The following CCDC191 variants were observed in gnomAD, a reference collection of about 807,000 sequenced individuals.
CCDC191 encodes the protein coiled-coil domain containing 191, also known as coiled-coil domain-containing protein 191.
A neutral mutation model predicts 114.0 loss-of-function variants in CCDC191; 99 were observed. The ratio of observed to expected loss-of-function variants is 0.87; its 90% confidence interval spans 0.74 to 1.03. CCDC191 has a LOEUF of 1.03. CCDC191 is among the 50% of genes least tolerant of loss of function. The pLI, the probability that CCDC191 is intolerant of heterozygous loss-of-function variation, is 0.00. For synonymous variants in CCDC191, 351 were observed against 376.0 expected, an observed-to-expected ratio of 0.93 and a Z score of 0.77; for missense variants, 973 against 1,087.0, an observed-to-expected ratio of 0.90 and a Z score of 1.47.
At position 113,990,325 on chromosome 3, in the gene CCDC191, C is replaced by T. The variant is rs145906992; in HGVS notation, c.2164-9532G>A. ...ATACTATGACCTCTGTTCCAAGAGA[C>T]TTGAAAACTTAGATTAAATGCTCAA... On this transcript the variant is annotated intron_variant, in intron 13 of 16. Transcript: ENST00000295878. 1.9e-3 allele frequency among the ~76,000 whole-genome samples: 295 copies of T among 152,030 alleles called. 3 individuals are homozygous for T. Among genetic ancestry groups the T allele is most frequent in the East Asian group, 5.8e-4 (3 of 5,182 alleles).
chr3:113,966,503 A>AGAT (rs1175499225), intron 16 of CCDC191, among the ~76,000 whole-genome samples: 2 of 152,174 alleles, frequency 1.3e-5, no homozygotes, highest in African/African-American at 4.8e-5. Flanking sequence ...ACCTTTTTGA[A>AGAT]GATGATGTCT....
At chr3:113,966,632 G>C (rs1321057113) in intron 16 of CCDC191, among the ~76,000 whole-genome samples, 1 of 152,130 alleles carries the variant, frequency 6.6e-6, no homozygotes, top group Non-Finnish European at 1.5e-5. Context: ...GTGTTGAAAC[G>C]AAGTGCAGAG....
chr3:114,055,803 A>C (rs1242751465), intron 1 of CCDC191, among the ~76,000 whole-genome samples: 1 of 152,262 alleles, frequency 6.6e-6, no homozygotes, highest in South Asian at 2.1e-4. Context: ...TAATGCATCC[A>C]AATGGGTGAT....
At chr3:114,008,368 C>A (rs2107675182) in intron 9 of CCDC191, among the ~76,000 whole-genome samples, 1 of 151,822 alleles carries the variant, frequency 6.6e-6, no homozygotes, top group East Asian at 1.9e-4. Flanking sequence ...CTTCCTGATC[C>A]CCCCTTGCTC....
rs761311667 is a variant in CCDC191 at position 114,018,851 on chromosome 3, G to A, written c.990C>T (p.Phe330=). 5.2e-5 allele frequency: 84 copies of A among 1,613,550 alleles called. No homozygotes were observed. The East Asian group carries it at 1.4e-3, about 28-fold the overall frequency. ...CAAGAATCAGCTTGTGCCAGGCAGCGAAATACCGTTTTTGACACTGCAGCG... is the reference window on the plus strand; with the variant it reads ...CAAGAATCAGCTTGTGCCAGGCAGCAAAATACCGTTTTTGACACTGCAGCG... ...KENQQCQKRY[F]AAWHKLILDH... Residue 330 remains phenylalanine (F), a synonymous_variant, in exon 8 of 17, where the codon TTC becomes TTT. Transcript: ENST00000295878.
At chr3:114,025,336 C>T (rs761690677) in intron 7 of CCDC191, among the ~76,000 whole-genome samples, 95 of 151,662 alleles carry the variant, frequency 6.3e-4, no homozygotes, top group Non-Finnish European at 1.1e-3. Flanking sequence ...TACCCAACTT[C>T]AAAAATTATC....
chr3:113,999,493 G>A (rs1278968340), intron 13 of CCDC191, among the ~76,000 whole-genome samples: 1 of 152,156 alleles, frequency 6.6e-6, no homozygotes, highest in African/African-American at 2.4e-5. Context: ...GTGTCTCTTA[G>A]TATTAACATT....
chr3:114,004,175 T>A, intron 11 of CCDC191: 2 of 960,904 alleles, frequency 2.1e-6, no homozygotes, highest in Non-Finnish European at 2.5e-6. Context: ...GTAGGTTTTA[T>A]TACTAAAATC....
chr3:113,996,970 A>AT (rs2075739342), intron 13 of CCDC191, among the ~76,000 whole-genome samples: 1 of 152,192 alleles, frequency 6.6e-6, no homozygotes, highest in African/African-American at 2.4e-5. Flanking sequence ...GCAAACCACC[A>AT]TGGCACATGT....
At position 114,005,738 on chromosome 3, in the gene CCDC191, C is replaced by T. The variant is rs200803511; in HGVS notation, c.1638G>A (p.Pro546=). ...TLRTTSQKAE[P]LCLGHFHNRH... ...GGTTGTGGAAATGACCCAAGCAAAG[C>T]GGTTCTGCTTTCTGGCTGGTAGTTC... Residue 546 remains proline, a synonymous_variant, in exon 10 of 17, where the codon CCG becomes CCA. Transcript: ENST00000295878. 9 of 1,614,094 alleles carry T rather than the reference C, an allele frequency of 5.6e-6. No individual in the cohort carries two copies. Among genetic ancestry groups the T allele is most frequent in the South Asian group, 5.5e-5 (5 of 91,068 alleles).
chr3:114,042,848 T>A lies in CCDC191; in HGVS notation c.272-2A>T. 1 of 1,586,262 alleles carries A rather than the reference T, an allele frequency of 6.3e-7. No homozygotes were observed. The highest frequency in any genetic ancestry group is 1.9e-5 in the Admixed American group (1 of 51,894). On this transcript the variant is annotated splice_acceptor_variant, in intron 3 of 16. Transcript: ENST00000295878. LOFTEE classifies it high-confidence loss of function. ...ACCAGTCATTGACCAGCTCCTGAGC[T>A]ACAATAAAACAAAAACATGTTAAGT... is the stretch of plus-strand genomic sequence containing the variant.
chr3:114,048,574 G>A (rs1209545140), intron 2 of CCDC191, among the ~76,000 whole-genome samples: 1 of 152,072 alleles, frequency 6.6e-6, no homozygotes, highest in African/African-American at 2.4e-5. Flanking sequence ...TCCTCTGCCT[G>A]AACTGCTCTC....
intron 9 of CCDC191, among the ~76,000 whole-genome samples, chr3:114,006,617 T>TATATATAAAA (rs1482068610): frequency 8.4e-6 from 1 of 118,466 alleles, no homozygotes; most frequent in African/African-American, 3.5e-5. Flanking sequence ...TATATATATA[T>TATATATAAAA]AAATATATAT....
intron 2 of CCDC191, among the ~76,000 whole-genome samples, chr3:114,051,270 C>T (rs1312814206): frequency 6.6e-6 from 1 of 152,158 alleles, no homozygotes; most frequent in African/African-American, 2.4e-5. Context: ...AGTCACTGTA[C>T]ACCTCCCTCT....
chr3:114,000,969 C>T (rs2075844464), intron 13 of CCDC191, among the ~76,000 whole-genome samples: 1 of 152,054 alleles, frequency 6.6e-6, no homozygotes, highest in Non-Finnish European at 1.5e-5. Context: ...GATCTCTTTT[C>T]GTCTATGTAG....
At chr3:114,031,085 C>A (rs899286774) in intron 7 of CCDC191, among the ~76,000 whole-genome samples, 1 of 151,986 alleles carries the variant, frequency 6.6e-6, no homozygotes, top group Non-Finnish European at 1.5e-5. Flanking sequence ...TATTAAAAAT[C>A]AGCAAGTAAT....
At chr3:113,989,328 C>A (rs1015144746) in intron 13 of CCDC191, among the ~76,000 whole-genome samples, 2 of 152,122 alleles carry the variant, frequency 1.3e-5, no homozygotes, top group African/African-American at 2.4e-5. Flanking sequence ...CTAGAGCAGA[C>A]CAATGGCAGC....
rs1170700929 is a variant in CCDC191 at position 114,006,376 on chromosome 3, G to T, written c.1414-414C>A. 2.6e-5 allele frequency among the ~76,000 whole-genome samples: 4 copies of T among 151,480 alleles called. No individual in the cohort carries two copies. In the East Asian group the frequency reaches 7.8e-4, roughly 29 times the overall value. On this transcript the variant is annotated intron_variant, in intron 9 of 16. Transcript: ENST00000295878. ...ATGCAGGAGAATCGCTTGAACCTGG[G>T]AAGTGGAGGTTGCAGTGGGCTGAGA... is the stretch of plus-strand genomic sequence containing the variant.
intron 15 of CCDC191, chr3:113,978,580 T>A (rs1577331026): frequency 1.7e-6 from 1 of 582,022 alleles, no homozygotes; most frequent in East Asian, 2.9e-5. Context: ...TTGAGCACTG[T>A]GAGACAAGAA....
Sources: gnomAD v4.1 joint callset for allele counts (sites outside exome capture counted in the v4.1 genomes callset) on GRCh38, gnomAD v4.1.1 for gene constraint, MANE v1.5 for transcripts, NCBI Gene and HGNC (gene_info 2026-07-23, HGNC 2026-07-21) for gene names.